RIPOR3: variants seen among roughly 807,000 people sequenced by gnomAD.
RIPOR3 encodes the protein family with sequence similarity 65 member C.
RIPOR3 carries 95 observed loss-of-function variants against 114.3 expected under a neutral mutation model. The ratio of observed to expected loss-of-function variants is 0.83; its 90% CI spans 0.70 to 0.99. The LOEUF is 0.99. Ranked by LOEUF, RIPOR3 falls within the 50% of genes least tolerant of loss-of-function variation. RIPOR3 has a pLI of 0.00. For synonymous variants in RIPOR3, 575 were observed against 543.8 expected, an observed-to-expected ratio of 1.06 and a Z score of -0.80; for missense variants, 1,252 against 1,266.9, an observed-to-expected ratio of 0.99 and a Z score of 0.18.
Position 50,592,384 on chromosome 20 carries a change from C to G in RIPOR3, c.2537G>C (p.Arg846Pro). The change falls in exon 19 of 22, where the codon CGC becomes CCC. Residue 846 changes from arginine to proline, a missense_variant. Arg to Pro is a moderately radical substitution (Grantham distance 103). Transcript: ENST00000327979. ...TCTGTTCCTGACTGCACCAGCCAGG[C>G]GAGCGCTGGCCGCCCTGCACACCCT... ...TPRVCRAASARLAGAVRNRSF... is the reference protein window; with the variant it reads ...TPRVCRAASAPLAGAVRNRSF... 1 of 1,605,284 alleles carries G rather than the reference C, an allele frequency of 6.2e-7. No homozygotes were observed.
At chr20:50,611,010 C>CTTAGTGCCGGGCTGG in intron 5 of RIPOR3, 104 bp from the exon 6 acceptor site, 3 of 1,549,104 alleles carry the variant, frequency 1.9e-6, no homozygotes, top group Non-Finnish European at 2.7e-6. Context: ...GAGAATGGGG[C>CTTAGTGCCGGGCTGG]CCCTCACCAT....
At chr20:50,661,958 G>A (rs56044470) in intron 1 of RIPOR3, 9,113 of 152,140 alleles carry the variant, frequency 0.06, 298 homozygotes, top group African/African-American at 0.081. Flanking sequence ...ACTACAGTGC[G>A]GGGAAGCTCT....
chr20:50,676,270 G>A (rs1352980745), intron 1 of RIPOR3, among the ~76,000 whole-genome samples: 2 of 152,166 alleles, frequency 1.3e-5, no homozygotes, highest in Non-Finnish European at 2.9e-5. Context: ...AGGGGAAGTT[G>A]GTCTGCCTCC....
rs1367207237 is a variant in RIPOR3, at chr20:50,592,362, G to A, written c.2559C>T (p.Asn853=). 6.3e-7 allele frequency: 1 copy of A among 1,593,388 alleles called. No individual in the cohort carries two copies. The highest frequency in any genetic ancestry group is 8.6e-7 in the Non-Finnish European group (1 of 1,166,686). ...AACGTACCTTTTCCCGGAAGCTTCT[G>A]TTCCTGACTGCACCAGCCAGGCGAG... ...ASARLAGAVR[N]RSFREKALLF... The change falls in exon 19 of 22, where the codon AAC becomes AAT. Residue 853 remains asparagine, a synonymous_variant. Coordinates refer to ENST00000327979, the MANE Select transcript of RIPOR3 (RefSeq NM_001290268.2).
chr20:50,668,317 G>T, intron 1 of RIPOR3, among the ~76,000 whole-genome samples: 1 of 152,088 alleles, frequency 6.6e-6, no homozygotes, highest in East Asian at 1.9e-4. Context: ...TTCCTAATGG[G>T]GGACACAGTG....
At chr20:50,655,243 C>G (rs1208429658) in intron 1 of RIPOR3, among the ~76,000 whole-genome samples, 2 of 152,200 alleles carry the variant, frequency 1.3e-5, no homozygotes, top group African/African-American at 4.8e-5. Context: ...CGTTCTCAGG[C>G]CTCCAGTTTA....
rs2083559779 is a variant in RIPOR3, at chr20:50,602,924, C to T, written c.1087-280G>A. ...GGGCCCCACGTTCCTGCCTCAGGGCCTTTGCACTGACTGTGCTCTCGTCAG... is the reference window on the plus strand; with the variant it reads ...GGGCCCCACGTTCCTGCCTCAGGGCTTTTGCACTGACTGTGCTCTCGTCAG... On this transcript the variant is annotated intron_variant, in intron 12 of 21. Transcript: ENST00000327979. This position sits in a 1 kb window ranked among gnomAD's most constrained non-coding sequence, Gnocchi z 4.3. Among the ~76,000 whole-genome samples, 1 of 152,254 alleles carries T rather than the reference C, an allele frequency of 6.6e-6. No individual in the cohort carries two copies. The highest frequency in any genetic ancestry group is 2.4e-5 in the African/African-American group (1 of 41,474).
chr20:50,635,962 G>A (rs1361209154), intron 1 of RIPOR3, among the ~76,000 whole-genome samples: 1 of 152,228 alleles, frequency 6.6e-6, no homozygotes, highest in Non-Finnish European at 1.5e-5. Flanking sequence ...CCTGGGTGGT[G>A]GCCGAGAAAA....
At position 50,602,591 on chromosome 20, in the gene RIPOR3, G is replaced by A; in HGVS notation, c.1140C>T (p.Ala380=). The change falls in exon 13 of 22, where the codon GCC becomes GCT. Residue 380 remains alanine (A), a synonymous_variant. Transcript: ENST00000327979. The surrounding 1 kb of genome is among the most constrained non-coding windows in gnomAD (Gnocchi z 4.3). ...CAGACAGGTAGCTGAGGATGGAGGT[G>A]GCCCTTGGGCCACCCAGCAGCAAGG... The part of the protein sequence containing the change: ...QQALLLGGPR[A]TSILSYLSDS... 2 of 1,515,852 alleles carry A rather than the reference G, an allele frequency of 1.3e-6. No individual in the cohort carries two copies. Among genetic ancestry groups the A allele is most frequent in the South Asian group, 1.3e-5 (1 of 75,062 alleles). The allele number at this position is 1,515,852 out of a possible 1,614,324, so 93.9% of individuals were successfully genotyped here. A position where few individuals can be genotyped will look rare whatever the true frequency, so the allele number is the denominator to read the frequency against.
At chr20:50,600,762 G>A (rs533754424) in intron 13 of RIPOR3, among the ~76,000 whole-genome samples, 1 of 152,182 alleles carries the variant, frequency 6.6e-6, no homozygotes, top group South Asian at 2.1e-4. Flanking sequence ...CCTGTCTCCA[G>A]AAAAATGAAA....
chr20:50,672,619 C>G (rs1221451546), intron 1 of RIPOR3, among the ~76,000 whole-genome samples: 8 of 152,190 alleles, frequency 5.3e-5, no homozygotes, highest in Admixed American at 5.2e-4. Flanking sequence ...ATGGCTCCGT[C>G]AGTGGCCAGT....
chr20:50,587,419 T>C, intron 21 of RIPOR3, 87 bp from the exon 22 acceptor site: 1 of 1,117,480 alleles, frequency 8.9e-7, no homozygotes, highest in Admixed American at 1.8e-5. Context: ...TAGTGCTTAG[T>C]GACTGTGGGT....
intron 1 of RIPOR3, among the ~76,000 whole-genome samples, chr20:50,633,118 C>T (rs534082668): frequency 1.7e-4 from 26 of 152,198 alleles, no homozygotes; most frequent in African/African-American, 5.3e-4. Flanking sequence ...AAAAATTAGC[C>T]AGGCTTGGTG....
In RIPOR3 at chr20:50,602,184, G is replaced by C; in HGVS notation, c.1547C>G (p.Ala516Gly). The C allele has an allele frequency of 4.3e-6, 7 of 1,613,274 alleles. No individual in the cohort carries two copies. Among genetic ancestry groups the C allele is most frequent in the Non-Finnish European group, 5.9e-6 (7 of 1,179,820 alleles). ...GACCTCCTGCAGAGGCCCCTCGAGG[G>C]CCACGCCAGGCCCGTCCTCTCTGTC... ...TGDREDGPGVALEGPLQEVLE... is the reference protein window; with the variant it reads ...TGDREDGPGVGLEGPLQEVLE... Residue 516 changes from alanine to glycine, a missense_variant, in exon 13 of 22, where the codon GCC becomes GGC. Ala to Gly is a moderately conservative substitution (Grantham distance 60). Coordinates refer to ENST00000327979, the MANE Select transcript of RIPOR3 (RefSeq NM_001290268.2). This position sits in a 1 kb window ranked among gnomAD's most constrained non-coding sequence, Gnocchi z 4.3.
intron 1 of RIPOR3, among the ~76,000 whole-genome samples, chr20:50,673,672 C>T (rs571516588): frequency 1.6e-4 from 24 of 152,252 alleles, no homozygotes; most frequent in African/African-American, 5.5e-4. Flanking sequence ...AAAATGTAAA[C>T]GGCCATTCAT....
At chr20:50,595,254 A>G in intron 16 of RIPOR3, 115 bp downstream of exon 16, 1 of 1,388,148 alleles carries the variant, frequency 7.2e-7, no homozygotes, top group Non-Finnish European at 9.9e-7. Context: ...CACAGCCTCC[A>G]CTCTGGGCCC....
At chr20:50,609,146 G>A in intron 8 of RIPOR3, 147 bp downstream of exon 8, 2 of 1,248,452 alleles carry the variant, frequency 1.6e-6, no homozygotes, top group Non-Finnish European at 2.2e-6. Flanking sequence ...AGAGAGGGGT[G>A]GGACTTGCCA....
intron 1 of RIPOR3, among the ~76,000 whole-genome samples, chr20:50,676,098 C>A (rs6126071): frequency 0.059 from 9,000 of 152,274 alleles, 333 homozygotes; most frequent in South Asian, 0.12. Flanking sequence ...CACCAGGAAA[C>A]AAGAACCAGT....
Position 50,595,379 on chromosome 20 carries a change from G to A in RIPOR3, c.2040C>T (p.Ser680=). 6.2e-7 allele frequency: 1 copy of A among 1,614,004 alleles called. No homozygotes were observed. The highest frequency in any genetic ancestry group is 8.5e-7 in the Non-Finnish European group (1 of 1,179,932). Residue 680 remains serine (S), a synonymous_variant, in exon 16 of 22, where the codon TCC becomes TCT. Coordinates refer to ENST00000327979, the MANE Select transcript of RIPOR3 (RefSeq NM_001290268.2). Reference sequence around the variant, plus strand: ...CAGGCAGCTACTTACTCTCTTCAATGGATGTTGCCTTGCCGACCTTCTCAA... The same window carrying A: ...CAGGCAGCTACTTACTCTCTTCAATAGATGTTGCCTTGCCGACCTTCTCAA... ...LDFEKVGKAT[S]IEEIIPQASR... is the part of the protein sequence containing the mutation.
Sources: allele counts gnomAD v4.1 joint callset (sites outside exome capture counted in the v4.1 genomes callset), GRCh38; gene constraint gnomAD v4.1.1; non-coding constraint Gnocchi (gnomAD v3.1); transcripts MANE v1.5; gene names NCBI Gene and HGNC (gene_info 2026-07-23, HGNC 2026-07-21).